Variants in CHN1 observed in about 807,000 individuals in gnomAD.
CHN1 encodes N-chimaerin.
Under a neutral mutation model 59.5 loss-of-function variants are expected in CHN1, and 37 were observed. The ratio of observed to expected loss-of-function variants is 0.62; its 90% CI spans 0.48 to 0.82. The LOEUF is 0.82. Ranked by LOEUF, CHN1 falls within the 40% of genes least tolerant of loss-of-function variation. The probability of loss-of-function intolerance (pLI) is 0.00; values close to 1 mark genes in which losing one functional copy is unlikely to be tolerated. For missense variants in CHN1, 469 were observed against 571.0 expected (o/e 0.82, Z 1.82); for synonymous variants, 206 against 200.4 (o/e 1.03, Z -0.24).
intron 7 of CHN1, among the ~76,000 whole-genome samples, chr2:174,829,779 A>G (rs936026321): frequency 1.3e-5 from 2 of 152,212 alleles, no homozygotes; most frequent in Admixed American, 1.3e-4. Context: ...TCTCCAGCAC[A>G]GTGTTGGGTG....
At chr2:174,813,174 AACACAGAAGTAATAAGTAATTT>A in intron 8 of CHN1, among the ~76,000 whole-genome samples, 1 of 152,370 alleles carries the variant, frequency 6.6e-6, no homozygotes. Flanking sequence ...GAGAAAACCA[AACACAGAAGTAATAAGTAATTT>A]ACCCAAGGCC....
intron 7 of CHN1, among the ~76,000 whole-genome samples, chr2:174,833,575 T>C (rs766628333): frequency 1.9e-4 from 29 of 152,234 alleles, no homozygotes; most frequent in Admixed American, 8.5e-4. Flanking sequence ...TCTTGCTTTT[T>C]TGTCCAACCT....
rs1263131300 is a variant in CHN1, at chr2:174,799,700, G to C, written c.*416C>G. 2.4e-5 allele frequency: 13 copies of C among 534,384 alleles called. 1 individual carries two copies. The Middle Eastern group carries it at 1.5e-3, about 63-fold the overall frequency. 33.1% of individuals were successfully genotyped at this position (534,384 alleles called of 1,614,324 possible). A position where few individuals can be genotyped will look rare whatever the true frequency, so the allele number is the denominator to read the frequency against. On this transcript the variant is annotated 3_prime_UTR_variant, in exon 13 of 13. Transcript: ENST00000409900. ...TTTATCCATTTGTGTGTGCGTGTTT[G>C]TACAAGCATCAGAAACCAATGACAT...
intron 1 of CHN1, among the ~76,000 whole-genome samples, chr2:174,952,622 T>A (rs1437970620): frequency 6.6e-6 from 1 of 152,246 alleles, no homozygotes; most frequent in Non-Finnish European, 1.5e-5. Context: ...AAGTTAAGTA[T>A]TTCTATTATT....
At chr2:174,940,468 C>T (rs753340056) in intron 3 of CHN1, among the ~76,000 whole-genome samples, 3 of 152,030 alleles carry the variant, frequency 2.0e-5, no homozygotes, top group Non-Finnish European at 2.9e-5. Context: ...AGGACCCGAT[C>T]AAGGTCCTTG....
chr2:174,885,845 G>C (rs1229975508), intron 5 of CHN1, among the ~76,000 whole-genome samples: 1 of 152,076 alleles, frequency 6.6e-6, no homozygotes, highest in East Asian at 1.9e-4. Flanking sequence ...TAAACCACAG[G>C]ACCAATACTA....
At chr2:174,847,773 C>CCA in intron 6 of CHN1, 1 of 233,644 alleles carries the variant, frequency 4.3e-6, no homozygotes. Flanking sequence ...TGGCTCAAGG[C>CCA]AAAAAAAAAA....
chr2:174,903,076 T>A (rs1320799945), intron 5 of CHN1, among the ~76,000 whole-genome samples: 1 of 152,238 alleles, frequency 6.6e-6, no homozygotes, highest in Non-Finnish European at 1.5e-5. Context: ...CCTTGCTTAA[T>A]AGAATTTTAT....
chr2:174,960,098 A>G (rs1440732154), intron 1 of CHN1, among the ~76,000 whole-genome samples: 1 of 152,224 alleles, frequency 6.6e-6, no homozygotes, highest in Non-Finnish European at 1.5e-5. Flanking sequence ...GAGACTGTCT[A>G]AAAAGGAACA....
At chr2:174,974,386 C>G (rs1690853158) in intron 1 of CHN1, among the ~76,000 whole-genome samples, 1 of 152,142 alleles carries the variant, frequency 6.6e-6, no homozygotes, top group Non-Finnish European at 1.5e-5. Context: ...AATTGAAAAG[C>G]AAAAGGTCAT....
At chr2:174,990,964 A>C (rs1230883131) in intron 1 of CHN1, among the ~76,000 whole-genome samples, 1 of 152,252 alleles carries the variant, frequency 6.6e-6, no homozygotes, top group Non-Finnish European at 1.5e-5. Flanking sequence ...CAATTTCATC[A>C]AAACATTTTT....
At chr2:174,843,390 C>A (rs1010809285) in intron 7 of CHN1, among the ~76,000 whole-genome samples, 9 of 152,092 alleles carry the variant, frequency 5.9e-5, no homozygotes, top group East Asian at 1.9e-4. Flanking sequence ...CAGTCACGTG[C>A]CACCACACCC....
intron 6 of CHN1, among the ~76,000 whole-genome samples, chr2:174,870,010 G>T (rs1256168688): frequency 6.6e-6 from 1 of 152,164 alleles, no homozygotes; most frequent in Non-Finnish European, 1.5e-5. Context: ...AGTATAAGAT[G>T]AAGTAATGTA....
At chr2:174,835,909 T>C (rs1417738142) in intron 7 of CHN1, among the ~76,000 whole-genome samples, 1 of 152,190 alleles carries the variant, frequency 6.6e-6, no homozygotes, top group Non-Finnish European at 1.5e-5. Context: ...GTTTCAGCCA[T>C]TGTTTAGCCT....
chr2:174,868,694 A>G (rs958513506), intron 6 of CHN1, among the ~76,000 whole-genome samples: 2 of 152,172 alleles, frequency 1.3e-5, no homozygotes, highest in Non-Finnish European at 2.9e-5. Context: ...CAATCCACCC[A>G]TGGGAGGCTG....
intron 6 of CHN1, chr2:174,847,337 T>C: frequency 7.7e-7 from 1 of 1,301,756 alleles, no homozygotes; most frequent in Non-Finnish European, 9.7e-7. Flanking sequence ...TTCTTCCTTT[T>C]TTTTTCTTAA....
chr2:174,942,932 T>A (rs1689709096), intron 3 of CHN1, among the ~76,000 whole-genome samples: 1 of 151,834 alleles, frequency 6.6e-6, no homozygotes, highest in Non-Finnish European at 1.5e-5. Context: ...ATGCCTGTAG[T>A]CCCAGCTACT....
At chr2:174,974,201 CTTTT>C (rs1200778092) in intron 1 of CHN1, among the ~76,000 whole-genome samples, 1 of 152,148 alleles carries the variant, frequency 6.6e-6, no homozygotes, top group East Asian at 1.9e-4. Context: ...ATAGAGTCTT[CTTTT>C]AACTCCAGAC....
At position 174,801,797 on chromosome 2, in the gene CHN1, T is replaced by C. The variant is rs764113279; in HGVS notation, c.1118A>G (p.Asp373Gly). 5 of 1,612,558 alleles carry C rather than the reference T, an allele frequency of 3.1e-6. No homozygotes were observed. The Admixed American group carries it at 8.3e-5, about 27-fold the overall frequency. The stretch of plus-strand genomic sequence containing the variant: ...TTCATGAAGGGTTTCCAATTGCTCA[T>C]CCGGATCCATAATTTCTAAAATAGC... ...FIESAKIMDPDEQLETLHEAL... is the reference protein window; with the variant it reads ...FIESAKIMDPGEQLETLHEAL... The change falls in exon 12 of 13, where the codon GAT becomes GGT. Residue 373 changes from aspartate to glycine, a missense_variant. By Grantham distance (94) the Asp-to-Gly change is moderately conservative. This residue lies in a region of CHN1 where 225 missense variants were observed against 289.9 expected (regional missense o/e 0.78). Transcript: ENST00000409900.
Sources: allele counts gnomAD v4.1 joint callset (sites outside exome capture counted in the v4.1 genomes callset), GRCh38; gene constraint gnomAD v4.1.1; regional missense constraint gnomAD v4.1.1; transcripts MANE v1.5; gene names NCBI Gene and HGNC (gene_info 2026-07-23, HGNC 2026-07-21).